DST: variants seen among roughly 807,000 people sequenced by gnomAD.
DST encodes the protein bullous pemphigoid antigen.
In DST, 253 loss-of-function variants were observed where a neutral mutation model predicts 875.2. The ratio of observed to expected loss-of-function variants is 0.29; its 90% CI spans 0.26 to 0.32. The LOEUF is 0.32. Ranked by LOEUF, DST falls within the 10% of genes least tolerant of loss-of-function variation. The pLI is 1.00. For missense variants in DST, 8,287 were observed against 9,111.6 expected (o/e 0.91, Z 3.68); for synonymous variants, 3,124 against 3,197.1 (o/e 0.98, Z 0.77).
intron 36 of DST, chr6:56,617,417 A>G (rs747634776): frequency 5.0e-6 from 8 of 1,611,162 alleles, no homozygotes; most frequent in Non-Finnish European, 6.8e-6. Context: ...GTTCTTAGCT[A>G]TCTGTAACAG....
At chr6:56,697,961 T>C (rs1308827531) in intron 9 of DST, among the ~76,000 whole-genome samples, 1 of 152,206 alleles carries the variant, frequency 6.6e-6, no homozygotes, top group Non-Finnish European at 1.5e-5. Flanking sequence ...TGCCAAATTA[T>C]TGCCTTCACT....
At chr6:56,901,402 C>T (rs767831811) in intron 2 of DST, among the ~76,000 whole-genome samples, 7 of 152,214 alleles carry the variant, frequency 4.6e-5, no homozygotes, top group Non-Finnish European at 1.0e-4. Context: ...TGGAGACCAG[C>T]CTGGCCAACA....
chr6:56,512,296 T>C (rs1035848622), intron 72 of DST, among the ~76,000 whole-genome samples: 3 of 152,188 alleles, frequency 2.0e-5, no homozygotes, highest in African/African-American at 7.2e-5. Flanking sequence ...TTCCCTTTAA[T>C]AGAGAAGATG....
At chr6:56,528,706 A>C (rs1234052542) in intron 67 of DST, 135 bp downstream of exon 67, 1 of 663,276 alleles carries the variant, frequency 1.5e-6, no homozygotes, top group African/African-American at 1.8e-5. Context: ...TTGGTCTTCA[A>C]AGCATTCTCC....
chr6:56,781,659 C>T (rs1442734227), intron 4 of DST, among the ~76,000 whole-genome samples: 2 of 152,192 alleles, frequency 1.3e-5, no homozygotes, highest in Non-Finnish European at 2.9e-5. Context: ...ACAATCATGT[C>T]GTCTGCAAAC....
At chr6:56,664,616 C>T (rs1320200925) in intron 10 of DST, among the ~76,000 whole-genome samples, 1 of 152,146 alleles carries the variant, frequency 6.6e-6, no homozygotes, top group Non-Finnish European at 1.5e-5. Flanking sequence ...AATCTCCTTA[C>T]ACACCAGATG....
chr6:56,810,682 A>G (rs1298669080), intron 4 of DST, among the ~76,000 whole-genome samples: 1 of 151,870 alleles, frequency 6.6e-6, no homozygotes, highest in Admixed American at 6.6e-5. Context: ...CAAAATTAAA[A>G]GGCAAATGAT....
chr6:56,641,861 A>C, intron 17 of DST, 86 bp downstream of exon 17: 6 of 1,071,450 alleles, frequency 5.6e-6, no homozygotes, highest in Non-Finnish European at 7.9e-6. Flanking sequence ...ATTTCATAAA[A>C]TTTTCATACT....
intron 16 of DST, 116 bp from the exon 17 acceptor site, chr6:56,642,217 G>T: frequency 1.0e-6 from 1 of 969,608 alleles, no homozygotes; most frequent in Non-Finnish European, 1.6e-6. Context: ...AGTTTTCCTT[G>T]TTGGTTCAAA....
intron 50 of DST, among the ~76,000 whole-genome samples, chr6:56,577,279 T>C (rs76844223): frequency 0.027 from 4,087 of 152,160 alleles, 193 homozygotes; most frequent in African/African-American, 0.092. Flanking sequence ...TAAATACAAA[T>C]AAGATAGTCT....
chr6:56,460,062 A>T (rs2094250573), intron 103 of DST, 69 bp downstream of exon 103: 2 of 1,519,708 alleles, frequency 1.3e-6, no homozygotes, highest in Non-Finnish European at 1.8e-6. Context: ...AATGAGGAGG[A>T]AAAGGGACTT....
At chr6:56,597,605 A>C (rs1474113642) in intron 47 of DST, 135 bp downstream of exon 47, 1 of 807,804 alleles carries the variant, frequency 1.2e-6, no homozygotes, top group African/African-American at 1.7e-5. Context: ...ATAATAATTT[A>C]TATCTGACAT....
At chr6:56,536,989 G>C in intron 61 of DST, 49 bp from the exon 62 acceptor site, 1 of 1,508,500 alleles carries the variant, frequency 6.6e-7, no homozygotes, top group East Asian at 2.3e-5. Flanking sequence ...CCTATCAACC[G>C]CCAAATATAT....
intron 90 of DST, among the ~76,000 whole-genome samples, chr6:56,479,897 C>A (rs543497446): frequency 6.6e-6 from 1 of 152,238 alleles, no homozygotes; most frequent in African/African-American, 2.4e-5. Flanking sequence ...ACTCATATAG[C>A]AAACGTGTAC....
chr6:56,544,518 CA>C (rs1038328382), intron 61 of DST, among the ~76,000 whole-genome samples: 2 of 151,978 alleles, frequency 1.3e-5, no homozygotes, highest in African/African-American at 2.4e-5. Flanking sequence ...TTAAATGATT[CA>C]AAAAAATAGC....
intron 98 of DST, chr6:56,466,633 C>T (rs1174683727): frequency 1.3e-5 from 2 of 152,396 alleles, no homozygotes; most frequent in African/African-American, 4.8e-5. Context: ...CTCTCTCTTA[C>T]AGTAAAACCG....
At chr6:56,798,771 A>G (rs1263293926) in intron 4 of DST, among the ~76,000 whole-genome samples, 1 of 152,192 alleles carries the variant, frequency 6.6e-6, no homozygotes, top group Non-Finnish European at 1.5e-5. Flanking sequence ...AAAATTCACC[A>G]TTCTAGATAC....
intron 3 of DST, among the ~76,000 whole-genome samples, chr6:56,880,500 C>G (rs755986361): frequency 1.3e-4 from 19 of 151,850 alleles, no homozygotes; most frequent in Non-Finnish European, 2.4e-4. Flanking sequence ...CCAGACTGGC[C>G]AACATGGTAA....
intron 9 of DST, among the ~76,000 whole-genome samples, chr6:56,690,250 C>T (rs1306685460): frequency 6.6e-6 from 1 of 152,090 alleles, no homozygotes; most frequent in African/African-American, 2.4e-5. Flanking sequence ...TCTATTTTGC[C>T]TATTTCATAG....
Sources: allele counts gnomAD v4.1 joint callset (sites outside exome capture counted in the v4.1 genomes callset), GRCh38; gene constraint gnomAD v4.1.1; transcripts MANE v1.5; gene names NCBI Gene and HGNC (gene_info 2026-07-23, HGNC 2026-07-21).